The following GDPD1 variants were observed in gnomAD, a reference collection of about 807,000 sequenced individuals.
GDPD1 encodes the protein glycerophosphodiester phosphodiesterase domain containing 1, also known as lysophospholipase D GDPD1.
GDPD1 carries 28 observed loss-of-function variants against 45.1 expected under a neutral mutation model. The observed-to-expected ratio is 0.62, with a 90% CI of 0.46 to 0.85. The LOEUF is 0.85. Ranked by LOEUF, GDPD1 falls within the 40% of genes least tolerant of loss-of-function variation. GDPD1 has a pLI of 0.00. For synonymous variants in GDPD1, 139 were observed against 131.4 expected, an observed-to-expected ratio of 1.06 and a Z score of -0.40; for missense variants, 256 against 364.8, an observed-to-expected ratio of 0.70 and a Z score of 2.43.
chr17:59,222,921 C>T (rs1376575188), intron 1 of GDPD1, among the ~76,000 whole-genome samples: 1 of 152,074 alleles, frequency 6.6e-6, no homozygotes, highest in African/African-American at 2.4e-5. Flanking sequence ...CTAAAAACTC[C>T]AAAACAAAAC....
At chr17:59,271,604 T>G (rs896767765) in intron 8 of GDPD1, among the ~76,000 whole-genome samples, 2 of 139,174 alleles carry the variant, frequency 1.4e-5, no homozygotes, top group African/African-American at 6.0e-5. Flanking sequence ...CGCCTTTTCT[T>G]CTTATTTTAT....
intron 1 of GDPD1, among the ~76,000 whole-genome samples, chr17:59,222,775 A>C (rs368848443): frequency 9.9e-5 from 15 of 152,204 alleles, no homozygotes; most frequent in African/African-American, 3.6e-4. Context: ...TTAGCCTCCC[A>C]AAGTGTTGGG....
At chr17:59,249,876 T>A (rs1357825158) in intron 4 of GDPD1, among the ~76,000 whole-genome samples, 2 of 152,174 alleles carry the variant, frequency 1.3e-5, no homozygotes, top group African/African-American at 2.4e-5. Context: ...CTATAACTGC[T>A]CCGTGAACTA....
chr17:59,261,877 T>A (rs1487138421), intron 6 of GDPD1, among the ~76,000 whole-genome samples: 1 of 149,930 alleles, frequency 6.7e-6, no homozygotes, highest in Non-Finnish European at 1.5e-5. Flanking sequence ...CAAGCAATCC[T>A]CTTGTCTCGT....
chr17:59,247,171 C>T (rs543958682), intron 3 of GDPD1, among the ~76,000 whole-genome samples: 6 of 152,228 alleles, frequency 3.9e-5, no homozygotes, highest in Admixed American at 6.5e-5. Flanking sequence ...GCACAGTTAC[C>T]GCACAGACAC....
intron 6 of GDPD1, among the ~76,000 whole-genome samples, chr17:59,265,554 T>C (rs1346992493): frequency 6.7e-6 from 1 of 150,046 alleles, no homozygotes; most frequent in Admixed American, 6.7e-5. Context: ...TATCTATATA[T>C]AGTACACATA....
chr17:59,239,452 A>G (rs945092225), intron 2 of GDPD1, among the ~76,000 whole-genome samples: 1 of 152,066 alleles, frequency 6.6e-6, no homozygotes, highest in Non-Finnish European at 1.5e-5. Context: ...AAAATATCTG[A>G]TATTTCAATG....
At chr17:59,225,696 A>T (rs1296933216) in intron 1 of GDPD1, among the ~76,000 whole-genome samples, 1 of 152,068 alleles carries the variant, frequency 6.6e-6, no homozygotes, top group African/African-American at 2.4e-5. Context: ...CAATCCATTT[A>T]TTAAAATTGA....
At chr17:59,269,784 T>C (rs2047430946) in intron 7 of GDPD1, among the ~76,000 whole-genome samples, 1 of 151,438 alleles carries the variant, frequency 6.6e-6, no homozygotes, top group Non-Finnish European at 1.5e-5. Flanking sequence ...GATAGCGCCA[T>C]TGCACTCCAG....
intron 6 of GDPD1, among the ~76,000 whole-genome samples, chr17:59,259,207 A>T (rs909807535): frequency 1.4e-4 from 21 of 151,746 alleles, no homozygotes; most frequent in Admixed American, 3.9e-4. Flanking sequence ...AGGCAGGCGG[A>T]TCACCTGAGG....
rs1442019786 is a variant in GDPD1 at position 59,255,833 on chromosome 17, A to ACACG, written c.368-1289_368-1288insCACG. Among the ~76,000 whole-genome samples, 68 of 22,116 alleles carry ACACG rather than the reference A, an allele frequency of 3.1e-3. 5 individuals are homozygous for ACACG. The highest frequency in any genetic ancestry group is 0.03 in the African/African-American group (66 of 2,186). The allele number at this position is 22,116 out of a possible 152,430, so 14.5% of individuals were successfully genotyped here. A position where few individuals can be genotyped will look rare whatever the true frequency, so the allele number is the denominator to read the frequency against. On this transcript the variant is annotated intron_variant, in intron 4 of 9. Transcript: ENST00000284116. ...TATACGCGTATATATATATACGCGT[A>ACACG]TATATATATATATATATACACACGT...
At chr17:59,240,730 C>T (rs1295525878) in intron 2 of GDPD1, among the ~76,000 whole-genome samples, 1 of 152,158 alleles carries the variant, frequency 6.6e-6, no homozygotes, top group African/African-American at 2.4e-5. Context: ...CTCGGCCTCC[C>T]AAAGTGTTGG....
intron 2 of GDPD1, among the ~76,000 whole-genome samples, chr17:59,241,994 T>C (rs753196298): frequency 6.6e-6 from 1 of 152,140 alleles, no homozygotes; most frequent in Non-Finnish European, 1.5e-5. Context: ...TTTACTATGA[T>C]GAGGTTGAAT....
chr17:59,238,438 G>A lies in GDPD1; in HGVS notation c.185+3904G>A, dbSNP rs571799805. Among the ~76,000 whole-genome samples the A allele has an allele frequency of 2.0e-3, 288 of 146,110 alleles. 2 individuals carry two copies. The highest frequency in any genetic ancestry group is 7.1e-3 in the African/African-American group (276 of 38,862). ...TTTATTTTTTTTTTTTTCCGAGACG[G>A]AGTCTCACTCTGTTGCCCAGGCTGG... On this transcript the variant is annotated intron_variant, in intron 2 of 9. Coordinates refer to ENST00000284116, the MANE Select transcript of GDPD1 (RefSeq NM_182569.4).
At chr17:59,244,844 A>T (rs1375587127) in intron 2 of GDPD1, among the ~76,000 whole-genome samples, 1 of 151,862 alleles carries the variant, frequency 6.6e-6, no homozygotes, top group Non-Finnish European at 1.5e-5. Context: ...AAAAATAAAA[A>T]AATTAGCTGG....
chr17:59,261,614 G>A (rs1287212095), intron 6 of GDPD1, among the ~76,000 whole-genome samples: 2 of 151,806 alleles, frequency 1.3e-5, no homozygotes, highest in South Asian at 2.1e-4. Context: ...TCCTGCCTCA[G>A]CCTCCTGTGT....
rs944080163 is a variant in GDPD1, at chr17:59,272,963, A to G, written c.822+127A>G. ...TCTGATGCTGCTGCTTTACTGATCC[A>G]CAAATGAGGACCTTAAGCTCTTCCT... On this transcript the variant is annotated intron_variant, in intron 9 of 9. Transcript: ENST00000284116. 9 of 1,573,368 alleles carry G rather than the reference A, an allele frequency of 5.7e-6. No homozygotes were observed. In the East Asian group the frequency reaches 6.9e-5, roughly 12 times the overall value.
At chr17:59,242,152 TC>T (rs1295411982) in intron 2 of GDPD1, among the ~76,000 whole-genome samples, 1 of 152,146 alleles carries the variant, frequency 6.6e-6, no homozygotes, top group Non-Finnish European at 1.5e-5. Context: ...AACCTCCACT[TC>T]CTGGGTTCAC....
chr17:59,251,991 C>CAAA (rs34224346), intron 4 of GDPD1, among the ~76,000 whole-genome samples: 11,074 of 60,600 alleles, frequency 0.18, 1,146 homozygotes, highest in African/African-American at 0.28. Flanking sequence ...GACTCAGTCT[C>CAAA]AAAAAAAAAA....
Sources: allele counts gnomAD v4.1 joint callset (sites outside exome capture counted in the v4.1 genomes callset), GRCh38; gene constraint gnomAD v4.1.1; transcripts MANE v1.5; gene names NCBI Gene and HGNC (gene_info 2026-07-23, HGNC 2026-07-21).